Variants in NBAS observed in about 807,000 individuals in gnomAD.
The protein encoded by NBAS is NAG/BC035112 fusion.
NBAS carries 219 observed loss-of-function variants against 302.5 expected under a neutral mutation model. The observed-to-expected ratio is 0.72, with a 90% CI of 0.65 to 0.81. The LOEUF (loss-of-function observed/expected upper bound fraction) is 0.81. Among genes scored for constraint, NBAS ranks in the 30% least tolerant of loss-of-function variants. NBAS has a pLI of 0.00. For synonymous variants in NBAS, 1,118 were observed against 1,021.6 expected (o/e 1.09, Z -1.80); for missense variants, 2,932 against 2,841.6 (o/e 1.03, Z -0.72).
rs771467016 is a variant in NBAS, at chr2:15,417,748, T to TGAA, written c.2578-37_2578-36insTTC. The stretch of plus-strand genomic sequence containing the variant: ...AAAGCAACAATAAGTTCCTGAGTAT[T>TGAA]ATATATTTCTCATCTATTCTAAAGT... On this transcript the variant is annotated intron_variant, in intron 23 of 51. Coordinates refer to ENST00000281513, the MANE Select transcript of NBAS (RefSeq NM_015909.4). The TGAA allele has an allele frequency of 3.8e-6, 6 of 1,580,546 alleles. No individual in the cohort carries two copies. In the Admixed American group the frequency reaches 1.0e-4, roughly 26 times the overall value.
chr2:14,967,131 C>T, the NBAS span, among the ~76,000 whole-genome samples: 1 of 152,116 alleles, frequency 6.6e-6, no homozygotes, highest in African/African-American at 2.4e-5. Context: ...TAAAACACCA[C>T]TGAGATATAT....
At chr2:15,048,319 T>C in the NBAS span, among the ~76,000 whole-genome samples, 1 of 152,216 alleles carries the variant, frequency 6.6e-6, no homozygotes, top group Non-Finnish European at 1.5e-5. Context: ...CAAAGTCCAA[T>C]GTGCAGGGCA....
intron 41 of NBAS, among the ~76,000 whole-genome samples, chr2:15,288,919 T>C (rs1256044771): frequency 6.6e-6 from 1 of 152,238 alleles, no homozygotes; most frequent in Non-Finnish European, 1.5e-5. Context: ...GGCATAGTCT[T>C]CTTTTTATGG....
At chr2:15,513,519 TGAAAAAAG>T (rs1162507739) in intron 9 of NBAS, among the ~76,000 whole-genome samples, 1 of 151,258 alleles carries the variant, frequency 6.6e-6, no homozygotes, top group Non-Finnish European at 1.5e-5. Flanking sequence ...AAAATATTGA[TGAAAAAAG>T]AAAAATACTT....
At chr2:15,434,966 A>T (rs1677939922) in intron 21 of NBAS, among the ~76,000 whole-genome samples, 1 of 152,208 alleles carries the variant, frequency 6.6e-6, no homozygotes, top group African/African-American at 2.4e-5. Flanking sequence ...AAAAACAGAG[A>T]GACCCTTATT....
chr2:15,137,283 T>C, the NBAS span, among the ~76,000 whole-genome samples: 1 of 152,240 alleles, frequency 6.6e-6, no homozygotes, highest in Non-Finnish European at 1.5e-5. Flanking sequence ...GTTAAAGACA[T>C]ATTTAGTATA....
At chr2:14,929,522 C>T in the NBAS span, among the ~76,000 whole-genome samples, 10 of 152,212 alleles carry the variant, frequency 6.6e-5, no homozygotes, top group African/African-American at 1.9e-4. Flanking sequence ...GGACTACAGG[C>T]GTGCGCCACC....
intron 6 of NBAS, among the ~76,000 whole-genome samples, chr2:15,550,908 T>C (rs1031892661): frequency 2.2e-4 from 34 of 152,214 alleles, no homozygotes; most frequent in African/African-American, 7.9e-4. Context: ...AAAGCTGCTT[T>C]CCAAAAGTCA....
chr2:14,843,786 T>C, the NBAS span, among the ~76,000 whole-genome samples: 1 of 152,066 alleles, frequency 6.6e-6, no homozygotes. Context: ...TTGTGAGATA[T>C]TGGATTGAAC....
At chr2:15,526,939 G>A (rs74418283) in intron 9 of NBAS, among the ~76,000 whole-genome samples, 3,082 of 151,932 alleles carry the variant, frequency 0.02, 73 homozygotes, top group East Asian at 0.057. Context: ...TCAATCCTAC[G>A]GTCCCACTTA....
At chr2:15,557,050 G>A (rs1281787242) in intron 2 of NBAS, among the ~76,000 whole-genome samples, 5 of 152,030 alleles carry the variant, frequency 3.3e-5, no homozygotes, top group Non-Finnish European at 7.4e-5. Flanking sequence ...AAAGTTTCAA[G>A]TATTTCCTAA....
At chr2:14,973,858 A>G in the NBAS span, among the ~76,000 whole-genome samples, 7 of 152,326 alleles carry the variant, frequency 4.6e-5, no homozygotes, top group South Asian at 1.0e-3. Flanking sequence ...GAATCAAGCT[A>G]AAGTCCTCAA....
At chr2:14,931,100 A>G in the NBAS span, among the ~76,000 whole-genome samples, 2 of 152,252 alleles carry the variant, frequency 1.3e-5, no homozygotes, top group African/African-American at 2.4e-5. Context: ...ACACCTAACA[A>G]GAATGTTAAG....
intron 40 of NBAS, among the ~76,000 whole-genome samples, chr2:15,293,783 A>C (rs184960673): frequency 6.6e-6 from 1 of 152,312 alleles, no homozygotes; most frequent in Admixed American, 6.5e-5. Flanking sequence ...TAGATTACCA[A>C]ACCCAGCCTG....
In NBAS at chr2:15,330,570, A is replaced by AT. The variant is rs774960130; in HGVS notation, c.4347+27dup. On this transcript the variant is annotated intron_variant, in intron 36 of 51. Transcript: ENST00000281513. ...TGAATTTATATAAACCATGCAGTTG[A>AT]TTTTAAAAAGAAAGATGCACTGCTT... 54 of 1,612,904 alleles carry AT rather than the reference A, an allele frequency of 3.3e-5. No homozygotes were observed. The Middle Eastern group carries it at 4.9e-4, about 15-fold the overall frequency.
chr2:15,502,411 G>A (rs61342105), intron 11 of NBAS, among the ~76,000 whole-genome samples: 7,938 of 152,224 alleles, frequency 0.052, 659 homozygotes, highest in African/African-American at 0.17. Flanking sequence ...AGGTGATTTC[G>A]TCGTTGTGAA....
intron 9 of NBAS, among the ~76,000 whole-genome samples, chr2:15,511,878 T>C (rs1662160604): frequency 6.6e-6 from 1 of 152,214 alleles, no homozygotes; most frequent in Non-Finnish European, 1.5e-5. Context: ...TTACACTCCA[T>C]TCATAACTGG....
intron 12 of NBAS, 43 bp downstream of exon 12, chr2:15,488,851 C>T: frequency 1.9e-6 from 3 of 1,610,658 alleles, no homozygotes; most frequent in Non-Finnish European, 1.7e-6. Flanking sequence ...ATTGTCAATA[C>T]TCACCCTTAA....
intron 11 of NBAS, among the ~76,000 whole-genome samples, chr2:15,493,212 G>A (rs1284770285): frequency 6.6e-6 from 1 of 152,186 alleles, no homozygotes; most frequent in Non-Finnish European, 1.5e-5. Flanking sequence ...CCCCAGCCAT[G>A]TGGAACTGTG....
Sources: gnomAD v4.1 joint callset for allele counts (sites outside exome capture counted in the v4.1 genomes callset) on GRCh38, gnomAD v4.1.1 for gene constraint, MANE v1.5 for transcripts, NCBI Gene and HGNC (gene_info 2026-07-23, HGNC 2026-07-21) for gene names.